Variants in FARS2 observed in about 807,000 individuals in gnomAD.
FARS2 encodes the protein phenylalanyl-tRNA synthetase 2, mitochondrial, also known as phenylalanine--tRNA ligase, mitochondrial.
Under a neutral mutation model 46.4 loss-of-function variants are expected in FARS2, and 40 were observed. The observed-to-expected ratio is 0.86, with a 90% CI of 0.67 to 1.12. FARS2 has a LOEUF of 1.12. Among genes scored for constraint, FARS2 ranks in the 50% most tolerant of loss-of-function variants. FARS2 has a pLI of 0.00. For missense variants in FARS2, 513 were observed against 567.9 expected (o/e 0.90, Z 0.98); for synonymous variants, 234 against 214.9 (o/e 1.09, Z -0.78).
At chr6:5,396,617 T>C (rs1760917353) in intron 2 of FARS2, among the ~76,000 whole-genome samples, 1 of 152,154 alleles carries the variant, frequency 6.6e-6, no homozygotes, top group Non-Finnish European at 1.5e-5. Context: ...TAAAATAATT[T>C]TGTTACAATT....
intron 4 of FARS2, among the ~76,000 whole-genome samples, chr6:5,484,704 G>A (rs1262257839): frequency 6.6e-6 from 1 of 152,242 alleles, no homozygotes; most frequent in Non-Finnish European, 1.5e-5. Flanking sequence ...GCAAGCCCCA[G>A]AAGGTCCTCA....
At chr6:5,716,398 C>A (rs935566457) in intron 6 of FARS2, among the ~76,000 whole-genome samples, 1 of 152,140 alleles carries the variant, frequency 6.6e-6, no homozygotes, top group African/African-American at 2.4e-5. Context: ...CCCCCCTACC[C>A]ATTCCCCTGA....
chr6:5,415,305 CTTTTCTTT>C lies in FARS2; in HGVS notation c.772+10609_772+10616del, dbSNP rs1350612146. ...ATGATTTTAATTTGTATTTTCTTTTCTTTTCTTTTTTTTTTTTTTTTTTTTTTGAGACA... is the reference window on the plus strand; with the variant it reads ...ATGATTTTAATTTGTATTTTCTTTTCTTTTTTTTTTTTTTTTTTTGAGACA... On this transcript the variant is annotated intron_variant, in intron 3 of 6. Coordinates refer to ENST00000274680, the MANE Select transcript of FARS2 (RefSeq NM_006567.5). 1.6e-3 allele frequency among the ~76,000 whole-genome samples: 145 copies of C among 91,520 alleles called. 1 individual carries two copies. The highest frequency in any genetic ancestry group is 6.6e-3 in the Admixed American group (46 of 6,998). 60.0% of individuals were successfully genotyped at this position (91,520 alleles called of 152,430 possible). A position where few individuals can be genotyped will look rare whatever the true frequency, so the allele number is the denominator to read the frequency against.
intron 4 of FARS2, among the ~76,000 whole-genome samples, chr6:5,513,825 G>A (rs1180988284): frequency 6.6e-6 from 1 of 152,124 alleles, no homozygotes; most frequent in Non-Finnish European, 1.5e-5. Context: ...CCTAGTCAGG[G>A]CCCTGCCAGG....
chr6:5,472,669 C>T (rs1765871177), intron 4 of FARS2, among the ~76,000 whole-genome samples: 1 of 152,074 alleles, frequency 6.6e-6, no homozygotes, highest in Non-Finnish European at 1.5e-5. Flanking sequence ...CAGGTCTCTC[C>T]ATTTAATGTG....
At chr6:5,544,097 T>G (rs979698598) in intron 4 of FARS2, among the ~76,000 whole-genome samples, 1 of 151,584 alleles carries the variant, frequency 6.6e-6, no homozygotes, top group Non-Finnish European at 1.5e-5. Flanking sequence ...TTGGGAGAAT[T>G]TGTTCCGTCC....
intron 1 of FARS2, among the ~76,000 whole-genome samples, chr6:5,268,218 A>C (rs1021035290): frequency 6.6e-6 from 1 of 151,238 alleles, no homozygotes; most frequent in Non-Finnish European, 1.5e-5. Context: ...ATTAGATCCC[A>C]TTTGTCAATT....
chr6:5,569,238 ATTT>A (rs35999608), intron 5 of FARS2, among the ~76,000 whole-genome samples: 9 of 142,588 alleles, frequency 6.3e-5, no homozygotes, highest in East Asian at 4.1e-4. Flanking sequence ...CAGGAGTATA[ATTT>A]TTTTTTTTTT....
intron 1 of FARS2, among the ~76,000 whole-genome samples, chr6:5,296,129 C>CTTTTTTTTTTTTTTTTTT (rs70974187): frequency 3.6e-5 from 2 of 55,040 alleles, no homozygotes; most frequent in African/African-American, 1.8e-4. Flanking sequence ...TCATTTTGGC[C>CTTTTTTTTTTTTTTTTTT]TTTTTTTTTT....
chr6:5,717,938 A>ATATATATATATATATATATAT (rs1759632528), intron 6 of FARS2, among the ~76,000 whole-genome samples: 2 of 144,990 alleles, frequency 1.4e-5, no homozygotes, highest in African/African-American at 5.6e-5. Context: ...ATATATATAC[A>ATATATATATATATATATATAT]GAGTCTCACT....
intron 4 of FARS2, among the ~76,000 whole-genome samples, chr6:5,538,734 G>A (rs11758395): frequency 0.099 from 15,131 of 152,148 alleles, 969 homozygotes; most frequent in East Asian, 0.22. Flanking sequence ...CACAATGCAG[G>A]GGTGCGATTC....
At chr6:5,422,041 GA>G (rs1373668838) in intron 3 of FARS2, among the ~76,000 whole-genome samples, 1 of 152,154 alleles carries the variant, frequency 6.6e-6, no homozygotes, top group Admixed American at 6.5e-5. Context: ...AGACTGGGAG[GA>G]AAAATAGGCT....
intron 4 of FARS2, among the ~76,000 whole-genome samples, chr6:5,532,345 G>GT (rs1769895885): frequency 6.6e-6 from 1 of 152,192 alleles, no homozygotes; most frequent in South Asian, 2.1e-4. Context: ...CTCGAACACT[G>GT]TTTATCTTTT....
chr6:5,518,908 G>C (rs1341666662), intron 4 of FARS2, among the ~76,000 whole-genome samples: 1 of 152,172 alleles, frequency 6.6e-6, no homozygotes, highest in Admixed American at 6.5e-5. Context: ...GGTTACAGTA[G>C]CAGCACTTGC....
chr6:5,456,524 G>A (rs902836687), intron 4 of FARS2, among the ~76,000 whole-genome samples: 17 of 151,678 alleles, frequency 1.1e-4, no homozygotes, highest in African/African-American at 4.1e-4. Context: ...ACGAGGTCAG[G>A]AGTTCGAGGC....
intron 4 of FARS2, among the ~76,000 whole-genome samples, chr6:5,443,767 A>G (rs1407959127): frequency 6.6e-6 from 1 of 152,212 alleles, no homozygotes; most frequent in Non-Finnish European, 1.5e-5. Context: ...TAAAACATAC[A>G]TTGTAGTTGT....
the FARS2 span, among the ~76,000 whole-genome samples, chr6:5,250,010 CT>C: frequency 6.6e-6 from 1 of 152,116 alleles, no homozygotes; most frequent in South Asian, 2.1e-4. Flanking sequence ...TGTAATCACA[CT>C]TAGCATACAA....
At chr6:5,581,497 G>A (rs1225484121) in intron 5 of FARS2, among the ~76,000 whole-genome samples, 1 of 152,220 alleles carries the variant, frequency 6.6e-6, no homozygotes, top group South Asian at 2.1e-4. Context: ...TCTCCGCATC[G>A]CACACAGGCA....
intron 4 of FARS2, among the ~76,000 whole-genome samples, chr6:5,487,620 A>G (rs1766853714): frequency 6.6e-6 from 1 of 152,070 alleles, no homozygotes; most frequent in African/African-American, 2.4e-5. Context: ...GCCAGATTCA[A>G]CCCTAGCTGG....
Sources: allele counts gnomAD v4.1 joint callset (sites outside exome capture counted in the v4.1 genomes callset), GRCh38; gene constraint gnomAD v4.1.1; transcripts MANE v1.5; gene names NCBI Gene and HGNC (gene_info 2026-07-23, HGNC 2026-07-21).